FARSB: variants seen among roughly 807,000 people sequenced by gnomAD.
The protein encoded by FARSB is phenylalanine--tRNA ligase beta subunit.
Under a neutral mutation model 69.6 loss-of-function variants are expected in FARSB, and 40 were observed. That is an observed-to-expected ratio of 0.57 (90% confidence interval 0.45 to 0.75). The LOEUF (loss-of-function observed/expected upper bound fraction) is 0.75. FARSB is among the 30% of genes least tolerant of loss of function. The pLI is 0.00. For synonymous variants in FARSB, 235 were observed against 247.2 expected (o/e 0.95, Z 0.46); for missense variants, 632 against 722.9 (o/e 0.87, Z 1.44).
intron 14 of FARSB, among the ~76,000 whole-genome samples, chr2:222,616,409 C>T (rs1167415444): frequency 1.3e-5 from 2 of 151,962 alleles, no homozygotes; most frequent in South Asian, 2.1e-4. Context: ...TAGCTGGGCG[C>T]GGCAGCGCGT....
Position 222,569,579 on chromosome 2 carries a change from A to G in FARSB, c.*2292T>C, listed in dbSNP as rs1434601961. On this transcript the variant is annotated 3_prime_UTR_variant, in exon 17 of 17. Transcript: ENST00000281828. The stretch of plus-strand genomic sequence containing the variant: ...CAAAGGTATAACCTACACCTGAAGT[A>G]CACCTACCACCTCAATTAAGATAAA... 4 of 152,206 alleles carry G rather than the reference A, an allele frequency of 2.6e-5. No homozygotes were observed. The highest frequency in any genetic ancestry group is 9.7e-5 in the African/African-American group (4 of 41,450). 9.4% of individuals were successfully genotyped at this position (152,206 alleles called of 1,614,324 possible).
At chr2:222,645,995 T>C (rs879795770) in intron 2 of FARSB, among the ~76,000 whole-genome samples, 2 of 152,094 alleles carry the variant, frequency 1.3e-5, no homozygotes, top group African/African-American at 2.4e-5. Flanking sequence ...TCCTGTAAAA[T>C]CATCATTAAA....
intron 14 of FARSB, among the ~76,000 whole-genome samples, chr2:222,617,305 T>C (rs1319096005): frequency 6.6e-6 from 1 of 152,196 alleles, no homozygotes; most frequent in African/African-American, 2.4e-5. Flanking sequence ...CTATTTATAG[T>C]GACATTTAAT....
In FARSB at chr2:222,570,524, T is replaced by A. The variant is rs1038806554; in HGVS notation, c.*1347A>T. The stretch of plus-strand genomic sequence containing the variant: ...TATTTCACTATCTTTGTTAGCTACT[T>A]CTTCTTTTTTTTTTTTGTAGACAGA... On this transcript the variant is annotated 3_prime_UTR_variant, in exon 17 of 17. Transcript: ENST00000281828. 6.6e-5 allele frequency: 10 copies of A among 151,110 alleles called. No homozygotes were observed. Among genetic ancestry groups the A allele is most frequent in the Non-Finnish European group, 7.4e-5 (5 of 67,890 alleles). The allele number at this position is 151,110 out of a possible 1,614,324, so 9.4% of individuals were successfully genotyped here.
chr2:222,656,000 T>C lies in FARSB; in HGVS notation c.58+16A>G, dbSNP rs1396855845. ...GAGAAGAGGCGTAGGGCCCAACGTA[T>C]AGGGCCGCCACTCACTGTAGGTGCG... is the stretch of plus-strand genomic sequence containing the variant. On this transcript the variant is annotated intron_variant, in intron 1 of 16. Transcript: ENST00000281828. The C allele has an allele frequency of 4.4e-6, 7 of 1,585,060 alleles. No individual in the cohort carries two copies. The highest frequency in any genetic ancestry group is 2.3e-5 in the East Asian group (1 of 43,580).
chr2:222,579,661 G>A (rs1574909358), intron 16 of FARSB, among the ~76,000 whole-genome samples: 1 of 152,252 alleles, frequency 6.6e-6, no homozygotes, highest in African/African-American at 2.4e-5. Context: ...AAATGACCTT[G>A]GAAGCAATCC....
intron 16 of FARSB, among the ~76,000 whole-genome samples, chr2:222,577,580 C>T (rs930684958): frequency 1.3e-5 from 2 of 152,168 alleles, no homozygotes; most frequent in African/African-American, 2.4e-5. Context: ...ATTACAAATC[C>T]GGACAGGATC....
At chr2:222,629,541 A>G (rs1050955046) in intron 9 of FARSB, among the ~76,000 whole-genome samples, 3 of 152,236 alleles carry the variant, frequency 2.0e-5, no homozygotes, top group African/African-American at 7.2e-5. Context: ...CACAGCTTAA[A>G]TTTCATTGCC....
In FARSB at chr2:222,634,431, G is replaced by A. The variant is rs1691522024; in HGVS notation, c.566C>T (p.Thr189Ile). The A allele has an allele frequency of 6.2e-7, 1 of 1,610,730 alleles. No individual in the cohort carries two copies. Among genetic ancestry groups the A allele is most frequent in the Non-Finnish European group, 8.5e-7 (1 of 1,177,598 alleles). The change falls in exon 6 of 17, where the codon ACC becomes ATC. Residue 189 changes from threonine to isoleucine, a missense_variant. By Grantham distance (89) the Thr-to-Ile change is moderately conservative. Coordinates refer to ENST00000281828, the MANE Select transcript of FARSB (RefSeq NM_005687.5). The part of the protein sequence containing the change: ...SDIKFKPLNK[T>I]KEYTACELMN... ...CAGTTCACAGGCTGTATACTCCTTG[G>A]TCTTATTTAGAGGCTTGAATTTGAT...
At chr2:222,607,727 A>C (rs1690739581) in intron 15 of FARSB, among the ~76,000 whole-genome samples, 1 of 152,070 alleles carries the variant, frequency 6.6e-6, no homozygotes, top group Admixed American at 6.5e-5. Context: ...AAAACATCAC[A>C]AATATATTTT....
At chr2:222,614,822 G>C (rs923201428) in intron 14 of FARSB, among the ~76,000 whole-genome samples, 1 of 152,138 alleles carries the variant, frequency 6.6e-6, no homozygotes, top group South Asian at 2.1e-4. Context: ...CTAGGCAACA[G>C]AGAACCTGTC....
chr2:222,613,983 T>C (rs1690930478), intron 14 of FARSB, 55 bp from the exon 15 acceptor site: 2 of 1,046,656 alleles, frequency 1.9e-6, no homozygotes, highest in South Asian at 2.7e-5. Context: ...ACAAAGACAC[T>C]TGGTTAAAGA....
chr2:222,577,713 A>C lies in FARSB; in HGVS notation c.1619-5691T>G, dbSNP rs559747928. On this transcript the variant is annotated intron_variant, in intron 16 of 16. Transcript: ENST00000281828. ...CAATTACCACAATCTCCTTGTGACT[A>C]AATATTTAGAATCGTAACTCCAAAA... Among the ~76,000 whole-genome samples, 5 of 152,234 alleles carry C rather than the reference A, an allele frequency of 3.3e-5. No individual in the cohort carries two copies. In the South Asian group the frequency reaches 1.0e-3, roughly 31 times the overall value.
At chr2:222,597,670 G>A (rs1252562743) in intron 16 of FARSB, among the ~76,000 whole-genome samples, 1 of 152,064 alleles carries the variant, frequency 6.6e-6, no homozygotes, top group Non-Finnish European at 1.5e-5. Context: ...GATGAATGCT[G>A]TGGCTTCTAT....
chr2:222,635,153 A>G (rs1691547191), intron 5 of FARSB, among the ~76,000 whole-genome samples: 1 of 152,248 alleles, frequency 6.6e-6, no homozygotes, highest in Non-Finnish European at 1.5e-5. Flanking sequence ...AGGAAATTAC[A>G]GCAAGCAACA....
intron 1 of FARSB, among the ~76,000 whole-genome samples, chr2:222,652,196 C>G (rs1692055307): frequency 6.6e-6 from 1 of 152,174 alleles, no homozygotes; most frequent in Non-Finnish European, 1.5e-5. Context: ...ACATCCACAT[C>G]TGGTCCTGAT....
chr2:222,603,255 A>G (rs1690610642), intron 15 of FARSB, among the ~76,000 whole-genome samples: 1 of 152,240 alleles, frequency 6.6e-6, no homozygotes, highest in Non-Finnish European at 1.5e-5. Context: ...TCATGTTAGC[A>G]TACATTGAGC....
intron 16 of FARSB, among the ~76,000 whole-genome samples, chr2:222,572,558 T>C (rs773765705): frequency 6.6e-6 from 1 of 152,178 alleles, no homozygotes; most frequent in Non-Finnish European, 1.5e-5. Flanking sequence ...GGCCGGCTAC[T>C]GGGGGAACCA....
chr2:222,580,714 A>G (rs1689945297), intron 16 of FARSB, among the ~76,000 whole-genome samples: 1 of 152,160 alleles, frequency 6.6e-6, no homozygotes, highest in South Asian at 2.1e-4. Context: ...GGAAAAAAAA[A>G]TGCCCCAAAT....
Sources: gnomAD v4.1 joint callset for allele counts (sites outside exome capture counted in the v4.1 genomes callset) on GRCh38, gnomAD v4.1.1 for gene constraint, MANE v1.5 for transcripts, NCBI Gene and HGNC (gene_info 2026-07-23, HGNC 2026-07-21) for gene names.